SHANK2: variants seen among roughly 807,000 people sequenced by gnomAD.
The protein encoded by SHANK2 is SH3 and multiple ankyrin repeat domains protein 2.
SHANK2 carries 43 observed loss-of-function variants against 133.7 expected under a neutral mutation model. That is an observed-to-expected ratio of 0.32 (90% CI 0.25 to 0.41). The LOEUF is 0.41. Ranked by LOEUF, SHANK2 falls within the 10% of genes least tolerant of loss-of-function variation. The pLI is 1.00. For missense variants in SHANK2, 1,994 were observed against 2,235.8 expected (o/e 0.89, Z 2.18); for synonymous variants, 1,017 against 952.8 (o/e 1.07, Z -1.24).
intron 2 of SHANK2, among the ~76,000 whole-genome samples, chr11:71,189,368 TAGAG>T (rs782248205): frequency 6.6e-6 from 1 of 152,198 alleles, no homozygotes; most frequent in Non-Finnish European, 1.5e-5. Flanking sequence ...AGTTTCTCAG[TAGAG>T]AGAGTCACCC....
chr11:70,854,963 C>T (rs568352754), intron 11 of SHANK2, among the ~76,000 whole-genome samples: 41 of 152,274 alleles, frequency 2.7e-4, no homozygotes, highest in African/African-American at 3.6e-4. Flanking sequence ...GGTTCACCCA[C>T]GACTATCAGA....
intron 17 of SHANK2, among the ~76,000 whole-genome samples, chr11:70,600,443 GA>G (rs112016729): frequency 7.1e-6 from 1 of 141,024 alleles, no homozygotes; most frequent in South Asian, 2.3e-4. Context: ...AAAAAGAAAA[GA>G]AAAAGAAAAA....
Position 70,820,426 on chromosome 11 carries a change from C to T in SHANK2, c.1431G>A (p.Ser477=), listed in dbSNP as rs1590721359. The T allele has an allele frequency of 4.2e-6, 3 of 707,292 alleles. No homozygotes were observed. The highest frequency in any genetic ancestry group is 7.9e-6 in the Non-Finnish European group (3 of 377,800). The allele number at this position is 707,292 out of a possible 1,614,324, so 43.8% of individuals were successfully genotyped here. A position where few individuals can be genotyped will look rare whatever the true frequency, so the allele number is the denominator to read the frequency against. The part of the protein sequence containing the change: ...YVPGPRSRSP[S]LNRLGGAGED... ...CGCCTGCGCCGCCCAGCCTGTTGAG[C>T]GATGGGGACCGGCTGCGGGGCCCGG... Residue 477 remains serine, a synonymous_variant, in exon 12 of 26, where the codon TCG becomes TCA. Coordinates refer to ENST00000601538, the MANE Select transcript of SHANK2 (RefSeq NM_012309.5).
rs200233518 is a variant in SHANK2, at chr11:70,861,457, C to CA, written c.1174+35043dup. Among the ~76,000 whole-genome samples the CA allele has an allele frequency of 2.7e-3, 404 of 152,272 alleles. 1 individual carries two copies. Among genetic ancestry groups the CA allele is most frequent in the African/African-American group, 9.2e-3 (382 of 41,568 alleles). On this transcript the variant is annotated intron_variant, in intron 11 of 25. Coordinates refer to ENST00000601538, the MANE Select transcript of SHANK2 (RefSeq NM_012309.5). ...GAGGCAGAATTATTGTGTGTTCTGA[C>CA]AAAAAATCCCCAGCCCTACCTGCAC...
chr11:70,806,318 G>A (rs1378462478), intron 13 of SHANK2, among the ~76,000 whole-genome samples: 4 of 152,082 alleles, frequency 2.6e-5, no homozygotes, highest in Admixed American at 6.6e-5. Flanking sequence ...CACAACCTCC[G>A]CAGCCCACAC....
At position 71,100,423 on chromosome 11, in the gene SHANK2, G is replaced by T. The variant is rs190492897; in HGVS notation, c.593-5735C>A. On this transcript the variant is annotated intron_variant, in intron 6 of 25. Coordinates refer to ENST00000601538, the MANE Select transcript of SHANK2 (RefSeq NM_012309.5). ...CCATTGCACATGCAGACAACAAGAT[G>T]TTGTTCAACACTAAAGAGAGACAAG... Among the ~76,000 whole-genome samples, 60 of 152,346 alleles carry T rather than the reference G, an allele frequency of 3.9e-4. 1 individual carries two copies. The East Asian group carries it at 0.012, about 29-fold the overall frequency.
intron 17 of SHANK2, among the ~76,000 whole-genome samples, chr11:70,543,000 C>A (rs1050883074): frequency 6.6e-6 from 1 of 152,154 alleles, no homozygotes; most frequent in African/African-American, 2.4e-5. Flanking sequence ...AGCAAGCAGG[C>A]GGGTAGAAGG....
intron 1 of SHANK2, among the ~76,000 whole-genome samples, chr11:71,242,497 G>GT: frequency 6.6e-6 from 1 of 152,238 alleles, no homozygotes; most frequent in East Asian, 1.9e-4. Context: ...CCTCCTTTAA[G>GT]TGTTTGCTCA....
At chr11:70,898,828 C>T (rs1949981096) in intron 10 of SHANK2, among the ~76,000 whole-genome samples, 1 of 152,188 alleles carries the variant, frequency 6.6e-6, no homozygotes, top group Non-Finnish European at 1.5e-5. Flanking sequence ...AAAACGAACA[C>T]TGAGGGTATG....
chr11:70,543,001 G>A (rs547983174), intron 17 of SHANK2, among the ~76,000 whole-genome samples: 116 of 152,296 alleles, frequency 7.6e-4, no homozygotes, highest in African/African-American at 2.6e-3. Context: ...GCAAGCAGGC[G>A]GGTAGAAGGG....
At chr11:71,093,313 A>G (rs1372387134) in intron 7 of SHANK2, among the ~76,000 whole-genome samples, 1 of 152,172 alleles carries the variant, frequency 6.6e-6, no homozygotes, top group African/African-American at 2.4e-5. Flanking sequence ...CCGCACGCTG[A>G]GGGTGGCGAA....
At chr11:70,508,651 G>A (rs1222557284) in intron 17 of SHANK2, among the ~76,000 whole-genome samples, 2 of 152,176 alleles carry the variant, frequency 1.3e-5, no homozygotes, top group Non-Finnish European at 2.9e-5. Context: ...CCAGCACTCC[G>A]GGAGGTTGAG....
chr11:70,936,047 A>G (rs1322489363), intron 10 of SHANK2, among the ~76,000 whole-genome samples: 2 of 152,216 alleles, frequency 1.3e-5, no homozygotes, highest in African/African-American at 4.8e-5. Flanking sequence ...ATTGAAATCA[A>G]TTTGGCCACA....
chr11:70,577,044 C>T (rs149707592), intron 17 of SHANK2, among the ~76,000 whole-genome samples: 283 of 152,266 alleles, frequency 1.9e-3, no homozygotes, highest in African/African-American at 6.5e-3. Flanking sequence ...GAGGCCACGC[C>T]GCTGTCTCCC....
intron 1 of SHANK2, among the ~76,000 whole-genome samples, chr11:71,237,298 G>A (rs1438053133): frequency 6.6e-6 from 1 of 152,158 alleles, no homozygotes; most frequent in Non-Finnish European, 1.5e-5. Flanking sequence ...GTTGGCAAGC[G>A]ACTGCCCAGG....
intron 11 of SHANK2, among the ~76,000 whole-genome samples, chr11:70,874,977 C>G (rs373327989): frequency 6.6e-6 from 1 of 152,192 alleles, no homozygotes; most frequent in Non-Finnish European, 1.5e-5. Context: ...CTATAACAGG[C>G]TTCCCCAAGT....
At chr11:71,143,934 C>A (rs1430783590) in intron 3 of SHANK2, among the ~76,000 whole-genome samples, 2 of 151,768 alleles carry the variant, frequency 1.3e-5, no homozygotes, top group Non-Finnish European at 2.9e-5. Context: ...GAGCATCGAC[C>A]ATCCATTCAC....
intron 17 of SHANK2, among the ~76,000 whole-genome samples, chr11:70,509,102 G>A (rs2059168013): frequency 2.0e-5 from 3 of 152,350 alleles, no homozygotes; most frequent in African/African-American, 7.2e-5. Flanking sequence ...CTCCAGAGCT[G>A]TGGGACAGTC....
chr11:70,805,425 T>C (rs1555051605), intron 13 of SHANK2, among the ~76,000 whole-genome samples: 1 of 152,196 alleles, frequency 6.6e-6, no homozygotes, highest in Non-Finnish European at 1.5e-5. Flanking sequence ...TCTCACTTCC[T>C]AGAACGGGGT....
Sources: gnomAD v4.1 joint callset for allele counts (sites outside exome capture counted in the v4.1 genomes callset) on GRCh38, gnomAD v4.1.1 for gene constraint, MANE v1.5 for transcripts, NCBI Gene and HGNC (gene_info 2026-07-23, HGNC 2026-07-21) for gene names.